SPTA1: variants seen among roughly 807,000 people sequenced by gnomAD.
The protein encoded by SPTA1 is spectrin alpha, erythrocytic 1.
A neutral mutation model predicts 324.7 loss-of-function variants in SPTA1; 177 were observed. The ratio of observed to expected loss-of-function variants is 0.55; its 90% CI spans 0.48 to 0.62. The LOEUF (loss-of-function observed/expected upper bound fraction) is 0.62. SPTA1 is among the 20% of genes least tolerant of loss of function. SPTA1 has a pLI of 0.00. For missense variants in SPTA1, 3,162 were observed against 2,883.6 expected, an observed-to-expected ratio of 1.10 and a Z score of -2.21; for synonymous variants, 1,195 against 1,041.3, an observed-to-expected ratio of 1.15 and a Z score of -2.84.
chr1:158,677,985 TCTTA>T (rs1008807849), intron 6 of SPTA1, 151 bp from the exon 7 acceptor site: 5 of 985,024 alleles, frequency 5.1e-6, no homozygotes, highest in Non-Finnish European at 7.5e-6. Flanking sequence ...TATAAAATGT[TCTTA>T]CTTAATGGTT....
At chr1:158,612,644 G>T in intron 51 of SPTA1, 173 bp downstream of exon 51, 1 of 685,578 alleles carries the variant, frequency 1.5e-6, no homozygotes, top group Non-Finnish European at 2.5e-6. Context: ...ACGTTTTTGA[G>T]TTGGGTCAAG....
chr1:158,630,911 T>C (rs1020636725), intron 39 of SPTA1, among the ~76,000 whole-genome samples: 2 of 152,044 alleles, frequency 1.3e-5, no homozygotes, highest in African/African-American at 4.8e-5. Flanking sequence ...GACGTGCAAA[T>C]TAAAACCACA....
At chr1:158,642,762 A>T in intron 32 of SPTA1, 52 bp downstream of exon 32, 2 of 1,613,412 alleles carry the variant, frequency 1.2e-6, no homozygotes, top group South Asian at 2.2e-5. Context: ...TGACTATCCA[A>T]CCAACAAGCT....
intron 19 of SPTA1, 62 bp downstream of exon 19, chr1:158,657,415 T>C: frequency 2.6e-6 from 4 of 1,528,250 alleles, no homozygotes; most frequent in Non-Finnish European, 3.6e-6. Context: ...AAGCAAACCC[T>C]AAATTGATAA....
intron 4 of SPTA1, 78 bp downstream of exon 4, chr1:158,681,449 G>A (rs1450610693): frequency 4.4e-6 from 7 of 1,604,728 alleles, no homozygotes; most frequent in East Asian, 2.2e-5. Flanking sequence ...CTTGTGAGTA[G>A]TCTGCAGTAA....
intron 36 of SPTA1, among the ~76,000 whole-genome samples, chr1:158,637,055 C>T (rs1243915709): frequency 2.0e-5 from 3 of 151,944 alleles, no homozygotes; most frequent in African/African-American, 7.3e-5. Flanking sequence ...CTTTTTTGCT[C>T]AAGAATACAC....
chr1:158,674,278 A>AATTAT (rs1654245002), intron 10 of SPTA1, 51 bp downstream of exon 10: 1 of 1,497,504 alleles, frequency 6.7e-7, no homozygotes, highest in Admixed American at 1.7e-5. Flanking sequence ...GAGATTATGT[A>AATTAT]ATGACTACAT....
chr1:158,666,538 CTA>C (rs781782700), intron 15 of SPTA1, 41 bp from the exon 16 acceptor site: 2 of 1,559,992 alleles, frequency 1.3e-6, no homozygotes, highest in African/African-American at 2.7e-5. Flanking sequence ...GGTACCATAA[CTA>C]TTCCTCTTTA....
intron 43 of SPTA1, among the ~76,000 whole-genome samples, chr1:158,621,203 AC>A (rs1649891541): frequency 2.7e-5 from 4 of 149,626 alleles, no homozygotes; most frequent in African/African-American, 1.0e-4. Context: ...ATTTTTTCAA[AC>A]AGCAAGTGAT....
At position 158,680,605 on chromosome 1, in the gene SPTA1, T is replaced by C; in HGVS notation, c.656A>G (p.Gln219Arg). The C allele has an allele frequency of 6.2e-7, 1 of 1,613,926 alleles. No individual in the cohort carries two copies. The highest frequency in any genetic ancestry group is 8.5e-7 in the Non-Finnish European group (1 of 1,179,842). Residue 219 changes from glutamine to arginine, a missense_variant, in exon 5 of 52, where the codon CAA (glutamine) becomes CGA (arginine). Coordinates refer to ENST00000643759, the MANE Select transcript of SPTA1 (RefSeq NM_003126.4). Reference protein sequence around the residue: ...AKEGRVVEVNQYANECAEENH... With the variant: ...AKEGRVVEVNRYANECAEENH... Reference sequence around the variant, plus strand: ...CACCTCGGCACACTCATTGGCATATTGGTTCACTTCAACAACTCTCCCTTC... The same window carrying C: ...CACCTCGGCACACTCATTGGCATATCGGTTCACTTCAACAACTCTCCCTTC...
intron 43 of SPTA1, among the ~76,000 whole-genome samples, chr1:158,622,285 A>G (rs929886756): frequency 3.9e-5 from 6 of 152,168 alleles, no homozygotes; most frequent in Non-Finnish European, 8.8e-5. Flanking sequence ...TAATAATGTT[A>G]CATTATTATA....
intron 50 of SPTA1, 64 bp from the exon 51 acceptor site, chr1:158,613,025 T>A (rs1649354987): frequency 1.3e-6 from 2 of 1,556,996 alleles, no homozygotes; most frequent in Admixed American, 3.4e-5. Flanking sequence ...CCCTTTTTAA[T>A]CCTACTCAGT....
In SPTA1 at chr1:158,680,637, T is replaced by C; in HGVS notation, c.624A>G (p.Val208=). 6.2e-7 allele frequency: 1 copy of C among 1,613,944 alleles called. No homozygotes were observed. The highest frequency in any genetic ancestry group is 8.5e-7 in the Non-Finnish European group (1 of 1,179,878). The change falls in exon 5 of 52, where the codon GTA becomes GTG. Residue 208 remains valine (V), a synonymous_variant. Coordinates refer to ENST00000643759, the MANE Select transcript of SPTA1 (RefSeq NM_003126.4). ...CTTCAACAACTCTCCCTTCTTTAGCTACCAGCTCCACTTGGAAGTCTTCAA... is the reference window on the plus strand; with the variant it reads ...CTTCAACAACTCTCCCTTCTTTAGCCACCAGCTCCACTTGGAAGTCTTCAA... ...KKFEDFQVEL[V]AKEGRVVEVN...
chr1:158,641,975 C>A, intron 33 of SPTA1, among the ~76,000 whole-genome samples: 1 of 152,148 alleles, frequency 6.6e-6, no homozygotes, highest in East Asian at 1.9e-4. Context: ...GAATTCTATA[C>A]AGCCATAAAA....
intron 31 of SPTA1, 134 bp downstream of exon 31, chr1:158,643,188 C>T: frequency 2.4e-6 from 3 of 1,230,870 alleles, no homozygotes; most frequent in Middle Eastern, 3.8e-4. Flanking sequence ...GTCAGAAAGT[C>T]TGCATAGGTG....
intron 50 of SPTA1, 26 bp downstream of exon 50, chr1:158,613,695 G>A (rs567760429): frequency 4.2e-5 from 68 of 1,613,150 alleles, no homozygotes; most frequent in African/African-American, 5.3e-5. Context: ...TCCCTGCTGC[G>A]GTCTGACCCT....
chr1:158,631,151 C>T (rs1338551381), intron 39 of SPTA1, among the ~76,000 whole-genome samples: 2 of 152,178 alleles, frequency 1.3e-5, no homozygotes, highest in East Asian at 3.8e-4. Context: ...ATGAAAAAGA[C>T]ACATGCATAC....
At position 158,661,093 on chromosome 1, in the gene SPTA1, G is replaced by T. The variant is rs116254105; in HGVS notation, c.2587+194C>A. Among the ~76,000 whole-genome samples the T allele has an allele frequency of 6.2e-3, 951 of 152,272 alleles. 6 individuals carry two copies. The highest frequency in any genetic ancestry group is 0.01 in the Non-Finnish European group (689 of 68,022). On this transcript the variant is annotated intron_variant, in intron 18 of 51. Coordinates refer to ENST00000643759, the MANE Select transcript of SPTA1 (RefSeq NM_003126.4). Reference sequence around the variant, plus strand: ...TTTTACAAACAAATAGTGGTTCACAGGATTGGAATATTCCTGTTATTGAAA... The same window carrying T: ...TTTTACAAACAAATAGTGGTTCACATGATTGGAATATTCCTGTTATTGAAA...
chr1:158,656,784 T>G lies in SPTA1; in HGVS notation c.2806-128A>C, dbSNP rs542682024. ...AAGCTGCTTTCCATCTATCATAAAG[T>G]TATTTTTAACCCTAAATTTGCAAGC... is the stretch of plus-strand genomic sequence containing the variant. On this transcript the variant is annotated intron_variant, in intron 19 of 51. Coordinates refer to ENST00000643759, the MANE Select transcript of SPTA1 (RefSeq NM_003126.4). 108 of 810,588 alleles carry G rather than the reference T, an allele frequency of 1.3e-4. No homozygotes were observed. The African/African-American group carries it at 1.6e-3, about 12-fold the overall frequency. 50.2% of individuals were successfully genotyped at this position (810,588 alleles called of 1,614,324 possible). A position where few individuals can be genotyped will look rare whatever the true frequency, so the allele number is the denominator to read the frequency against.
Sources: gnomAD v4.1 joint callset for allele counts (sites outside exome capture counted in the v4.1 genomes callset) on GRCh38, gnomAD v4.1.1 for gene constraint, MANE v1.5 for transcripts, NCBI Gene and HGNC (gene_info 2026-07-23, HGNC 2026-07-21) for gene names.